SLC2A12: variants seen among roughly 807,000 people sequenced by gnomAD.
SLC2A12 encodes solute carrier family 2, facilitated glucose transporter member 12.
A neutral mutation model predicts 41.8 loss-of-function variants in SLC2A12; 23 were observed. The ratio of observed to expected loss-of-function variants is 0.55; its 90% confidence interval spans 0.40 to 0.78. The LOEUF (loss-of-function observed/expected upper bound fraction) is 0.78, where lower values mean the gene tolerates loss of function less well. SLC2A12 is among the 30% of genes least tolerant of loss of function. The probability of loss-of-function intolerance (pLI) is 0.00; values close to 1 mark genes in which losing one functional copy is unlikely to be tolerated. For synonymous variants in SLC2A12, 295 were observed against 285.9 expected (o/e 1.03, Z -0.32); for missense variants, 654 against 745.6 (o/e 0.88, Z 1.43).
intron 4 of SLC2A12, among the ~76,000 whole-genome samples, chr6:133,992,505 G>T (rs9385675): frequency 0.63 from 95,332 of 151,972 alleles, 30,777 homozygotes; most frequent in African/African-American, 0.74. Flanking sequence ...TACTTGAGAT[G>T]TATGTTCATA....
chr6:134,006,176 G>GA (rs1182572567), intron 3 of SLC2A12, among the ~76,000 whole-genome samples: 2,619 of 61,268 alleles, frequency 0.043, 120 homozygotes, highest in East Asian at 0.11. Context: ...GAGACTATCG[G>GA]AAAAAAAAAA....
At position 134,028,733 on chromosome 6, in the gene SLC2A12, T is replaced by C; in HGVS notation, c.1092A>G (p.Val364=). The C allele has an allele frequency of 1.2e-6, 2 of 1,614,174 alleles. No homozygotes were observed. The highest frequency in any genetic ancestry group is 1.7e-5 in the Admixed American group (1 of 60,018). ...MAASLVTMGI[V]NLNIHMNFTH... ...TGAAGTTCATGTGGATGTTGAGATT[T>C]ACGATGCCCATGGTCACCAACGAAG... Residue 364 remains valine, a synonymous_variant, in exon 2 of 5, where the codon GTA becomes GTG. Coordinates refer to ENST00000275230, the MANE Select transcript of SLC2A12 (RefSeq NM_145176.3).
At position 133,987,619 on chromosome 6, in the gene SLC2A12, G is replaced by A. The variant is rs1776551835; in HGVS notation, c.*3536C>T. On this transcript the variant is annotated 3_prime_UTR_variant, in exon 5 of 5. Coordinates refer to ENST00000275230, the MANE Select transcript of SLC2A12 (RefSeq NM_145176.3). ...AAGTGTGTTGGCTTCTTTTTGAAGT[G>A]TATTTTGTGTGTGTGTGTGTGTGTG... 6 of 130,624 alleles carry A rather than the reference G, an allele frequency of 4.6e-5. No individual in the cohort carries two copies. The highest frequency in any genetic ancestry group is 4.0e-4 in the Admixed American group (5 of 12,440). The allele number at this position is 130,624 out of a possible 1,614,324, so 8.1% of individuals were successfully genotyped here.
intron 1 of SLC2A12, among the ~76,000 whole-genome samples, chr6:134,044,188 A>G (rs374984994): frequency 4.8e-4 from 73 of 152,120 alleles, no homozygotes; most frequent in African/African-American, 1.6e-3. Flanking sequence ...GATATTACAC[A>G]TAATACATGT....
At chr6:133,992,910 A>G (rs1325831207) in intron 4 of SLC2A12, among the ~76,000 whole-genome samples, 2 of 152,170 alleles carry the variant, frequency 1.3e-5, no homozygotes, top group Admixed American at 6.5e-5. Context: ...CTTCACAGCA[A>G]AATTGATGTA....
intron 1 of SLC2A12, among the ~76,000 whole-genome samples, chr6:134,043,741 G>A (rs1298295402): frequency 1.9e-4 from 27 of 141,978 alleles, no homozygotes; most frequent in African/African-American, 6.6e-4. Context: ...GCAGTGAGCC[G>A]AGATCACACC....
intron 1 of SLC2A12, among the ~76,000 whole-genome samples, chr6:134,046,726 G>A (rs1872230): frequency 0.44 from 67,506 of 151,790 alleles, 15,257 homozygotes; most frequent in South Asian, 0.61. Flanking sequence ...CACGAAAACT[G>A]CTTGAACCCA....
At chr6:134,035,932 C>T (rs1224073671) in intron 1 of SLC2A12, among the ~76,000 whole-genome samples, 3 of 152,240 alleles carry the variant, frequency 2.0e-5, no homozygotes, top group African/African-American at 7.2e-5. Context: ...GCACCAGCCA[C>T]CACCACAATA....
intron 2 of SLC2A12, among the ~76,000 whole-genome samples, chr6:134,015,787 C>T (rs1270016158): frequency 6.6e-6 from 1 of 152,216 alleles, no homozygotes; most frequent in East Asian, 1.9e-4. Context: ...TGCTGCTCCA[C>T]ATCCTTGGAG....
At chr6:134,041,093 G>A (rs1178668396) in intron 1 of SLC2A12, among the ~76,000 whole-genome samples, 1 of 152,076 alleles carries the variant, frequency 6.6e-6, no homozygotes, top group African/African-American at 2.4e-5. Flanking sequence ...TTGGTCCCCT[G>A]ATTACAAATG....
chr6:133,987,808 T>A lies in SLC2A12; in HGVS notation c.*3347A>T, dbSNP rs572866631. 2 of 152,664 alleles carry A rather than the reference T, an allele frequency of 1.3e-5. No homozygotes were observed. Among genetic ancestry groups the A allele is most frequent in the South Asian group, 4.1e-4 (2 of 4,828 alleles). The allele number at this position is 152,664 out of a possible 1,614,324, so 9.5% of individuals were successfully genotyped here. ...AAGTTTATAGATAAAGGATAATGTT[T>A]TATGTTGCTAATTTAATATGATAGA... On this transcript the variant is annotated 3_prime_UTR_variant, in exon 5 of 5. Transcript: ENST00000275230.
At chr6:134,004,449 A>G (rs746009679) in intron 3 of SLC2A12, among the ~76,000 whole-genome samples, 61 of 152,334 alleles carry the variant, frequency 4.0e-4, no homozygotes, top group Admixed American at 9.2e-4. Flanking sequence ...ATATGTATGT[A>G]TGTGTGTGTA....
intron 2 of SLC2A12, 127 bp downstream of exon 2, chr6:134,028,254 A>C: frequency 7.9e-7 from 1 of 1,259,196 alleles, no homozygotes; most frequent in Non-Finnish European, 1.1e-6. Flanking sequence ...TACTTTCTGC[A>C]TTAGAAGGAA....
Position 133,991,244 on chromosome 6 carries a change from G to A in SLC2A12, c.1765C>T (p.Pro589Ser). ...HHQEELVPKQ[P>S]QKRKPQEQLL... is the part of the protein sequence containing the mutation. ...TGCTCCTGGGGTTTTCTTTTTTGAG[G>A]CTGTTTTGGCACTAATTCTTCTTGG... The change falls in exon 5 of 5, where the codon CCT (proline) becomes TCT (serine). Residue 589 changes from proline (P) to serine (S), a missense_variant. By Grantham distance (74) the Pro-to-Ser change is moderately conservative. Around this residue, in one of 3 missense-constraint regions of SLC2A12, gnomAD observed 134 missense variants for 180.5 expected, o/e 0.74. Coordinates refer to ENST00000275230, the MANE Select transcript of SLC2A12 (RefSeq NM_145176.3). 1 of 1,613,940 alleles carries A rather than the reference G, an allele frequency of 6.2e-7. No individual in the cohort carries two copies. The highest frequency in any genetic ancestry group is 8.5e-7 in the Non-Finnish European group (1 of 1,179,952).
At chr6:134,025,589 A>G (rs1037304961) in intron 2 of SLC2A12, among the ~76,000 whole-genome samples, 2 of 152,188 alleles carry the variant, frequency 1.3e-5, no homozygotes, top group African/African-American at 4.8e-5. Context: ...ACAGGGTCTC[A>G]CTCTGTTGCC....
chr6:133,993,948 G>T (rs73774187), intron 4 of SLC2A12, among the ~76,000 whole-genome samples: 7,591 of 152,244 alleles, frequency 0.05, 624 homozygotes, highest in African/African-American at 0.17. Flanking sequence ...GCCACTGGAG[G>T]ATTGGAGCAA....
rs770173944 is a variant in SLC2A12, at chr6:134,029,327, A to G, written c.498T>C (p.Leu166=). ...TCATCAGCTCATTCAGTGACACAAGAAGGCCTCTTCTGTGTTGAGGAGCAA... is the reference window on the plus strand; with the variant it reads ...TCATCAGCTCATTCAGTGACACAAGGAGGCCTCTTCTGTGTTGAGGAGCAA... ...AEIAPQHRRG[L]LVSLNELMIV... The change falls in exon 2 of 5, where the codon CTT becomes CTC. Residue 166 remains leucine, a synonymous_variant. Transcript: ENST00000275230. The G allele has an allele frequency of 1.2e-6, 2 of 1,614,120 alleles. No individual in the cohort carries two copies. The highest frequency in any genetic ancestry group is 1.7e-5 in the Admixed American group (1 of 60,014).
At chr6:134,047,731 C>T (rs941581838) in intron 1 of SLC2A12, among the ~76,000 whole-genome samples, 1 of 152,200 alleles carries the variant, frequency 6.6e-6, no homozygotes, top group African/African-American at 2.4e-5. Flanking sequence ...ACAGAGAGAA[C>T]GGTGATGTTG....
intron 4 of SLC2A12, among the ~76,000 whole-genome samples, chr6:133,992,737 G>T (rs1184373784): frequency 1.3e-5 from 2 of 152,036 alleles, no homozygotes; most frequent in Non-Finnish European, 2.9e-5. Context: ...GGAAGGGAGA[G>T]CATGGGCCTC....
Sources: allele counts gnomAD v4.1 joint callset (sites outside exome capture counted in the v4.1 genomes callset), GRCh38; gene constraint gnomAD v4.1.1; regional missense constraint gnomAD v4.1.1; transcripts MANE v1.5; gene names NCBI Gene and HGNC (gene_info 2026-07-23, HGNC 2026-07-21).